TBC1D5: variants seen among roughly 807,000 people sequenced by gnomAD.
The protein encoded by TBC1D5 is TBC1 domain family member 5.
Under a neutral mutation model 100.3 loss-of-function variants are expected in TBC1D5, and 75 were observed. That is an observed-to-expected ratio of 0.75 (90% confidence interval 0.62 to 0.91). TBC1D5 has a LOEUF of 0.91. TBC1D5 is among the 40% of genes least tolerant of loss of function. The pLI is 0.00. For missense variants in TBC1D5, 910 were observed against 942.4 expected (o/e 0.97, Z 0.45); for synonymous variants, 323 against 325.6 (o/e 0.99, Z 0.09).
At chr3:17,437,561 C>CGT (rs2094557565) in intron 3 of TBC1D5, among the ~76,000 whole-genome samples, 1 of 140,102 alleles carries the variant, frequency 7.1e-6, no homozygotes, top group African/African-American at 2.9e-5. Flanking sequence ...AGGTAGTATG[C>CGT]ATGTGTGTGT....
intron 3 of TBC1D5, among the ~76,000 whole-genome samples, chr3:17,501,559 C>A (rs1372669068): frequency 6.7e-6 from 1 of 149,124 alleles, no homozygotes; most frequent in East Asian, 1.9e-4. Context: ...TTCAGGACTC[C>A]CATCACCACA....
intron 2 of TBC1D5, among the ~76,000 whole-genome samples, chr3:17,611,573 G>A (rs141399206): frequency 6.6e-6 from 1 of 152,236 alleles, no homozygotes; most frequent in East Asian, 1.9e-4. Context: ...GATATTAAGA[G>A]GAAAAGCAAG....
chr3:17,381,396 C>T (rs1018797206), intron 9 of TBC1D5, among the ~76,000 whole-genome samples: 10 of 151,896 alleles, frequency 6.6e-5, no homozygotes, highest in African/African-American at 2.4e-4. Flanking sequence ...ATCATCAAGT[C>T]TTTTACTACG....
At chr3:17,639,521 C>T (rs1324313426) in intron 1 of TBC1D5, among the ~76,000 whole-genome samples, 3 of 151,306 alleles carry the variant, frequency 2.0e-5, no homozygotes, top group Non-Finnish European at 2.9e-5. Context: ...ATACCTTTTG[C>T]ACGAGCACAA....
At chr3:17,384,047 C>T (rs2152240186) in intron 8 of TBC1D5, 32 bp from the exon 9 acceptor site, 1 of 1,520,574 alleles carries the variant, frequency 6.6e-7, no homozygotes, top group South Asian at 1.2e-5. Context: ...TTGAAACTGA[C>T]TAACACAGTT....
chr3:17,553,165 T>C (rs370087656), intron 2 of TBC1D5, among the ~76,000 whole-genome samples: 1 of 152,166 alleles, frequency 6.6e-6, no homozygotes, highest in African/African-American at 2.4e-5. Flanking sequence ...TGGTGTCATG[T>C]GTCCCTGCTG....
intron 2 of TBC1D5, among the ~76,000 whole-genome samples, chr3:17,564,228 T>C (rs1289639577): frequency 6.6e-6 from 1 of 152,242 alleles, no homozygotes; most frequent in South Asian, 2.1e-4. Context: ...CAGACATTAC[T>C]TTATAAAAAT....
intron 2 of TBC1D5, among the ~76,000 whole-genome samples, chr3:17,593,149 G>A (rs1245046669): frequency 2.0e-5 from 3 of 152,134 alleles, no homozygotes; most frequent in Admixed American, 6.5e-5. Flanking sequence ...TTGCACCGAT[G>A]ACCTCATGGG....
At chr3:17,611,565 T>C (rs1462924147) in intron 2 of TBC1D5, among the ~76,000 whole-genome samples, 1 of 152,144 alleles carries the variant, frequency 6.6e-6, no homozygotes, top group Non-Finnish European at 1.5e-5. Context: ...TGCTGAATGA[T>C]ATTAAGAGGA....
At chr3:17,282,970 G>A (rs1439095098) in intron 15 of TBC1D5, among the ~76,000 whole-genome samples, 3 of 152,170 alleles carry the variant, frequency 2.0e-5, no homozygotes, top group African/African-American at 4.8e-5. Context: ...TCTCTGAGGC[G>A]GTCACTGAGT....
In TBC1D5 at chr3:17,416,363, T is replaced by C. The variant is rs142904039; in HGVS notation, c.168-9837A>G. On this transcript the variant is annotated intron_variant, in intron 4 of 21. Transcript: ENST00000253692. ...GAACTACATATTGTATTTTAATTAA[T>C]TGAAATCCAAATTTAAATAGCTTCA... is the stretch of plus-strand genomic sequence containing the variant. Among the ~76,000 whole-genome samples the C allele has an allele frequency of 8.5e-5, 13 of 152,326 alleles. No individual in the cohort carries two copies. In the East Asian group the frequency reaches 1.3e-3, roughly 16 times the overall value.
chr3:17,533,074 G>GACAC (rs9310518), intron 2 of TBC1D5, among the ~76,000 whole-genome samples: 1,847 of 145,026 alleles, frequency 0.013, 20 homozygotes, highest in African/African-American at 0.031. Flanking sequence ...CACATACACA[G>GACAC]ACACACACAC....
At chr3:17,702,147 G>A (rs1359890057) in intron 1 of TBC1D5, 2 of 151,992 alleles carry the variant, frequency 1.3e-5, no homozygotes, top group African/African-American at 4.8e-5. Context: ...ACTAACTGTC[G>A]TCTTCAATGT....
intron 19 of TBC1D5, among the ~76,000 whole-genome samples, chr3:17,173,133 G>A (rs2067334011): frequency 6.6e-6 from 1 of 152,164 alleles, no homozygotes; most frequent in African/African-American, 2.4e-5. Flanking sequence ...CCTTCTAGAT[G>A]AGAACTGTCA....
At chr3:17,427,601 T>C (rs866648482) in intron 4 of TBC1D5, among the ~76,000 whole-genome samples, 1 of 152,108 alleles carries the variant, frequency 6.6e-6, no homozygotes, top group Middle Eastern at 3.4e-3. Flanking sequence ...ATATATTTTA[T>C]AGTGTTGTTA....
chr3:17,634,003 A>G (rs2063701455), intron 1 of TBC1D5, among the ~76,000 whole-genome samples: 1 of 152,228 alleles, frequency 6.6e-6, no homozygotes, highest in Non-Finnish European at 1.5e-5. Context: ...ATGCAAATCA[A>G]AACTACAATA....
chr3:17,738,539 A>T (rs991405257), intron 1 of TBC1D5, among the ~76,000 whole-genome samples: 2 of 148,508 alleles, frequency 1.3e-5, no homozygotes, highest in African/African-American at 4.9e-5. Flanking sequence ...AATTTGTAAA[A>T]ATATTAAAAT....
intron 16 of TBC1D5, among the ~76,000 whole-genome samples, 164 bp downstream of exon 16, chr3:17,258,342 A>AT (rs1002317530): frequency 2.6e-4 from 40 of 152,072 alleles, no homozygotes; most frequent in African/African-American, 9.7e-4. Flanking sequence ...AATATATAGC[A>AT]TTTTTTATGC....
At chr3:17,266,162 T>TGCCC (rs2078826211) in intron 15 of TBC1D5, among the ~76,000 whole-genome samples, 1 of 152,170 alleles carries the variant, frequency 6.6e-6, no homozygotes, top group African/African-American at 2.4e-5. Context: ...TGGTCTGATA[T>TGCCC]TCACTGATTG....
Sources: gnomAD v4.1 joint callset for allele counts (sites outside exome capture counted in the v4.1 genomes callset) on GRCh38, gnomAD v4.1.1 for gene constraint, MANE v1.5 for transcripts, NCBI Gene and HGNC (gene_info 2026-07-23, HGNC 2026-07-21) for gene names.